Variants in UMAD1 observed in about 807,000 individuals in gnomAD.
UMAD1 encodes UBAP1-MVB12-associated (UMA)-domain containing protein 1.
In UMAD1, 8 loss-of-function variants were observed where a neutral mutation model predicts 6.1. The ratio of observed to expected loss-of-function variants is 1.30; its 90% CI spans 0.76 to 2.35. UMAD1 has a LOEUF of 2.35. Ranked by LOEUF, UMAD1 falls within the 30% of genes most tolerant of loss-of-function variation. UMAD1 has a pLI of 0.00. For missense variants in UMAD1, 130 were observed against 78.4 expected, an observed-to-expected ratio of 1.66 and a Z score of -2.49; for synonymous variants, 56 against 31.4, an observed-to-expected ratio of 1.78 and a Z score of -2.61.
At chr7:7,727,503 G>A (rs1426102556) in intron 2 of UMAD1, among the ~76,000 whole-genome samples, 1 of 152,144 alleles carries the variant, frequency 6.6e-6, no homozygotes, top group Middle Eastern at 3.2e-3. Flanking sequence ...ATTTGGGATG[G>A]TTGATACTGA....
At chr7:7,811,386 A>G (rs948565152) in intron 3 of UMAD1, among the ~76,000 whole-genome samples, 5 of 152,198 alleles carry the variant, frequency 3.3e-5, no homozygotes, top group African/African-American at 1.2e-4. Context: ...CTTATGCAGC[A>G]TACCTTTTGG....
At chr7:7,847,555 C>G (rs918571058) in intron 3 of UMAD1, among the ~76,000 whole-genome samples, 1 of 151,942 alleles carries the variant, frequency 6.6e-6, no homozygotes, top group Non-Finnish European at 1.5e-5. Context: ...GTCTTTTTCC[C>G]TCTTCATCCC....
intron 2 of UMAD1, among the ~76,000 whole-genome samples, chr7:7,766,756 C>A (rs144321379): frequency 1.3e-5 from 2 of 152,152 alleles, no homozygotes; most frequent in African/African-American, 4.8e-5. Context: ...TAATTTCCTA[C>A]AAATGTGTAC....
chr7:7,823,579 G>C (rs1452536858), intron 3 of UMAD1, among the ~76,000 whole-genome samples: 2 of 151,972 alleles, frequency 1.3e-5, no homozygotes, highest in East Asian at 3.8e-4. Flanking sequence ...CATGTCTTTT[G>C]GGAGATAGGA....
At chr7:7,703,974 G>A (rs1191309017) in intron 2 of UMAD1, among the ~76,000 whole-genome samples, 2 of 151,636 alleles carry the variant, frequency 1.3e-5, no homozygotes, top group African/African-American at 4.9e-5. Context: ...AAGGGAAGGA[G>A]GGAAGGGAAG....
chr7:7,696,247 A>G (rs1332995280), intron 2 of UMAD1, among the ~76,000 whole-genome samples: 1 of 150,290 alleles, frequency 6.7e-6, no homozygotes, highest in Non-Finnish European at 1.5e-5. Flanking sequence ...TTCTCCTTGA[A>G]CTCATACAAG....
chr7:7,809,342 G>A (rs1462744757), intron 3 of UMAD1, among the ~76,000 whole-genome samples: 7 of 151,936 alleles, frequency 4.6e-5, no homozygotes, highest in Non-Finnish European at 7.4e-5. Context: ...ATATGAAGCT[G>A]CATTATAGAA....
Position 7,784,337 on chromosome 7 carries a change from G to GT in UMAD1, c.83-17317dup, listed in dbSNP as rs5882136. On this transcript the variant is annotated intron_variant, in intron 2 of 3. Coordinates refer to ENST00000682710, the MANE Select transcript of UMAD1 (RefSeq NM_001302348.2). ...TTAAAATTTTCTACTTAAAATCTCT[G>GT]TTTTTTTTTTTTTTTTGAGACAGAG... Among the ~76,000 whole-genome samples, 73 of 113,668 alleles carry GT rather than the reference G, an allele frequency of 6.4e-4. 1 individual carries two copies. The highest frequency in any genetic ancestry group is 1.4e-3 in the South Asian group (5 of 3,530). The allele number at this position is 113,668 out of a possible 152,430, so 74.6% of individuals were successfully genotyped here.
At position 7,877,526 on chromosome 7, in the gene UMAD1, C is replaced by T. The variant is rs1342150838; in HGVS notation, c.402C>T (p.Leu134=). 2 of 717,302 alleles carry T rather than the reference C, an allele frequency of 2.8e-6. No homozygotes were observed. Among genetic ancestry groups the T allele is most frequent in the South Asian group, 3.0e-5 (2 of 67,604 alleles). The allele number at this position is 717,302 out of a possible 1,614,324, so 44.4% of individuals were successfully genotyped here. A position where few individuals can be genotyped will look rare whatever the true frequency, so the allele number is the denominator to read the frequency against. ...WYDFTLENSV[L]CDS is the part of the protein sequence containing the mutation. ...ATTTCACTCTTGAAAATTCAGTGCT[C>T]TGTGATTCATAACCTTTATGTCTGT... is the stretch of plus-strand genomic sequence containing the variant. The change falls in exon 4 of 4, where the codon CTC becomes CTT. Residue 134 remains leucine (L), a synonymous_variant. Transcript: ENST00000682710.
At chr7:7,699,436 TTTTTAC>T (rs1464446923) in intron 2 of UMAD1, among the ~76,000 whole-genome samples, 1 of 152,184 alleles carries the variant, frequency 6.6e-6, no homozygotes, top group East Asian at 1.9e-4. Context: ...TTTTGTTTAG[TTTTTAC>T]TTACACTAAA....
In UMAD1 at chr7:7,874,114, C is replaced by T. The variant is rs112315508; in HGVS notation, c.157-3167C>T. Among the ~76,000 whole-genome samples the T allele has an allele frequency of 3.7e-4, 57 of 152,288 alleles. 1 individual carries two copies. Among genetic ancestry groups the T allele is most frequent in the Middle Eastern group, 6.8e-3 (2 of 294 alleles). On this transcript the variant is annotated intron_variant, in intron 3 of 3. Transcript: ENST00000682710. ...ATTGGTGATTCCATGTGTCTCATCGCTCAGGCCAAGAGCTTTGGCTTTATC... is the reference window on the plus strand; with the variant it reads ...ATTGGTGATTCCATGTGTCTCATCGTTCAGGCCAAGAGCTTTGGCTTTATC...
At chr7:7,753,181 C>T (rs1260351506) in intron 2 of UMAD1, among the ~76,000 whole-genome samples, 1 of 152,014 alleles carries the variant, frequency 6.6e-6, no homozygotes, top group Non-Finnish European at 1.5e-5. Flanking sequence ...TTATGGAGTA[C>T]ATGAGATGTT....
chr7:7,646,939 T>C (rs1785110201), intron 1 of UMAD1, among the ~76,000 whole-genome samples: 1 of 152,168 alleles, frequency 6.6e-6, no homozygotes, highest in South Asian at 2.1e-4. Context: ...CTGTTCACAT[T>C]TAGGGCTATG....
At chr7:7,659,194 T>C (rs1785415110) in intron 1 of UMAD1, among the ~76,000 whole-genome samples, 1 of 152,180 alleles carries the variant, frequency 6.6e-6, no homozygotes, top group African/African-American at 2.4e-5. Context: ...TTCTTCTCTC[T>C]TTTCTTCTTT....
At chr7:7,829,773 A>G (rs1425333635) in intron 3 of UMAD1, among the ~76,000 whole-genome samples, 4 of 152,208 alleles carry the variant, frequency 2.6e-5, no homozygotes, top group African/African-American at 7.2e-5. Flanking sequence ...CTAGTAAAAC[A>G]TTAGAAAAAG....
chr7:7,868,135 C>T (rs990733445), intron 3 of UMAD1, among the ~76,000 whole-genome samples: 2 of 151,982 alleles, frequency 1.3e-5, no homozygotes, highest in Admixed American at 1.3e-4. Context: ...ATATGAGCTG[C>T]CTGGACAGCT....
intron 2 of UMAD1, among the ~76,000 whole-genome samples, chr7:7,677,263 C>T (rs763849408): frequency 6.6e-6 from 1 of 152,082 alleles, no homozygotes; most frequent in Non-Finnish European, 1.5e-5. Flanking sequence ...TCAATTTCCA[C>T]TCTTTTAGTT....
intron 2 of UMAD1, among the ~76,000 whole-genome samples, chr7:7,711,428 A>C (rs1238683541): frequency 6.6e-6 from 1 of 152,172 alleles, no homozygotes; most frequent in African/African-American, 2.4e-5. Context: ...CAAGTGGTAT[A>C]TGAAAATTCT....
intron 3 of UMAD1, among the ~76,000 whole-genome samples, chr7:7,842,617 T>TTAA (rs756509939): frequency 1.4e-5 from 2 of 145,796 alleles, no homozygotes; most frequent in Admixed American, 6.9e-5. Context: ...TACCTTTTTT[T>TTAA]AAAAAAAAAA....
Sources: gnomAD v4.1 joint callset for allele counts (sites outside exome capture counted in the v4.1 genomes callset) on GRCh38, gnomAD v4.1.1 for gene constraint, MANE v1.5 for transcripts, NCBI Gene and HGNC (gene_info 2026-07-23, HGNC 2026-07-21) for gene names.